The following INHBB variants were observed in gnomAD, a reference collection of about 807,000 sequenced individuals.
The protein encoded by INHBB is inhibin beta B chain.
INHBB carries 8 observed loss-of-function variants against 28.9 expected under a neutral mutation model. The ratio of observed to expected loss-of-function variants is 0.28; its 90% confidence interval spans 0.16 to 0.50. INHBB has a LOEUF of 0.50. INHBB is among the 20% of genes least tolerant of loss of function. The probability of loss-of-function intolerance (pLI) is 0.98; values close to 1 mark genes in which losing one functional copy is unlikely to be tolerated. For missense variants in INHBB, 499 were observed against 597.8 expected (o/e 0.83, Z 1.72); for synonymous variants, 293 against 262.7 (o/e 1.12, Z -1.12).
Position 120,349,538 on chromosome 2 carries a change from C to G in INHBB, c.888C>G (p.Cys296Trp). 6.2e-7 allele frequency: 1 copy of G among 1,613,966 alleles called. No individual in the cohort carries two copies. Among genetic ancestry groups the G allele is most frequent in the Non-Finnish European group, 8.5e-7 (1 of 1,180,036 alleles). ...GCATTCGCAAGCGAGGCCTGGAGTG[C>G]GATGGCCGGACCAACCTCTGTTGCA... ...RHRIRKRGLECDGRTNLCCRQ... is the reference protein window; with the variant it reads ...RHRIRKRGLEWDGRTNLCCRQ... The change falls in exon 2 of 2, where the codon TGC becomes TGG. Residue 296 changes from cysteine to tryptophan, a missense_variant. Physicochemically the swap from Cys to Trp is radical, Grantham distance 215. This residue lies in a region of INHBB where 114 missense variants were observed against 182.6 expected (regional missense o/e 0.62). Coordinates refer to ENST00000295228, the MANE Select transcript of INHBB (RefSeq NM_002193.4). The surrounding 1 kb of genome is among the most constrained non-coding windows in gnomAD (Gnocchi z 5.6).
rs770683310 is a variant in INHBB, at chr2:120,349,345, C to T, written c.695C>T (p.Thr232Met). ...AGCGGCTGGCATACCTTCCCACTCA[C>T]GGAGGCCATCCAGGCCTTGTTTGAG... is the stretch of plus-strand genomic sequence containing the variant. ...KRSGWHTFPL[T>M]EAIQALFERG... The change falls in exon 2 of 2, where the codon ACG becomes ATG. Residue 232 changes from threonine to methionine, a missense_variant. Transcript: ENST00000295228. The surrounding 1 kb of genome is among the most constrained non-coding windows in gnomAD (Gnocchi z 5.6). The T allele has an allele frequency of 1.6e-5, 26 of 1,614,096 alleles. No homozygotes were observed. Among genetic ancestry groups the T allele is most frequent in the South Asian group, 3.3e-5 (3 of 91,082 alleles).
At chr2:120,348,870 G>C (rs887091354) in intron 1 of INHBB, among the ~76,000 whole-genome samples, 2 of 152,042 alleles carry the variant, frequency 1.3e-5, no homozygotes, top group African/African-American at 4.8e-5. Flanking sequence ...TTATAGGCGC[G>C]GACCCTCCAG....
At chr2:120,347,446 A>G (rs569292083) in intron 1 of INHBB, among the ~76,000 whole-genome samples, 4 of 151,638 alleles carry the variant, frequency 2.6e-5, no homozygotes, top group African/African-American at 9.7e-5. Flanking sequence ...CTAAATATAA[A>G]AATCAGGGAG....
intron 1 of INHBB, among the ~76,000 whole-genome samples, chr2:120,348,644 C>T (rs1377039472): frequency 1.6e-5 from 2 of 124,348 alleles, no homozygotes; most frequent in Non-Finnish European, 3.3e-5. Flanking sequence ...TTTTGCAATG[C>T]GCTAAGTTAA....
In INHBB at chr2:120,346,745, G is replaced by T. The variant is rs1267649232; in HGVS notation, c.448+109G>T. ...GCCACCGCAGCCCGCGCGCCCTGGG[G>T]CAGCCTGGACTCCCGGCAGAGCTCC... is the stretch of plus-strand genomic sequence containing the variant. On this transcript the variant is annotated intron_variant, in intron 1 of 1. Transcript: ENST00000295228. The T allele has an allele frequency of 2.0e-5, 24 of 1,174,088 alleles. No homozygotes were observed. The South Asian group carries it at 4.7e-4, about 23-fold the overall frequency. 72.7% of individuals were successfully genotyped at this position (1,174,088 alleles called of 1,614,324 possible).
In INHBB at chr2:120,346,263, G is replaced by T; in HGVS notation, c.75G>T (p.Glu25Asp). 7.5e-7 allele frequency: 1 copy of T among 1,338,682 alleles called. No homozygotes were observed. The highest frequency in any genetic ancestry group is 9.5e-7 in the Non-Finnish European group (1 of 1,051,522). 82.9% of individuals were successfully genotyped at this position (1,338,682 alleles called of 1,614,324 possible). A position where few individuals can be genotyped will look rare whatever the true frequency, so the allele number is the denominator to read the frequency against. Residue 25 changes from glutamate (E) to aspartate (D), a missense_variant, in exon 1 of 2, where the codon GAG becomes GAT. By Grantham distance (45) the Glu-to-Asp change is conservative (BLOSUM62 2). This residue lies in a region of INHBB where 385 missense variants were observed against 415.2 expected (regional missense o/e 0.93). Transcript: ENST00000295228. Reference sequence around the variant, plus strand: ...TGGCGGCCGGCTGGCTGGGGCCTGAGGCCTGGGGCTCACCCACGCCCCCGC... The same window carrying T: ...TGGCGGCCGGCTGGCTGGGGCCTGATGCCTGGGGCTCACCCACGCCCCCGC... ...LLLAAGWLGP[E>D]AWGSPTPPPT...
rs1691227301 is a variant in INHBB, at chr2:120,349,720, A to G, written c.1070A>G (p.Gln357Arg). The stretch of plus-strand genomic sequence containing the variant: ...TCCTTCCACACGGCTGTGGTGAACC[A>G]GTACCGCATGCGGGGTCTGAACCCC... The part of the protein sequence containing the change: ...ASSFHTAVVN[Q>R]YRMRGLNPGT... Residue 357 changes from glutamine (Q) to arginine (R), a missense_variant, in exon 2 of 2, where the codon CAG becomes CGG. By Grantham distance (43) the Gln-to-Arg change is conservative (BLOSUM62 1). Coordinates refer to ENST00000295228, the MANE Select transcript of INHBB (RefSeq NM_002193.4). The surrounding 1 kb of genome is among the most constrained non-coding windows in gnomAD (Gnocchi z 5.6). The G allele has an allele frequency of 6.2e-7, 1 of 1,613,680 alleles. No individual in the cohort carries two copies. Among genetic ancestry groups the G allele is most frequent in the Admixed American group, 1.7e-5 (1 of 60,010 alleles).
rs917721462 is a variant in INHBB at position 120,350,063 on chromosome 2, C to G, written c.*189C>G. On this transcript the variant is annotated 3_prime_UTR_variant, in exon 2 of 2. Transcript: ENST00000295228. ...ATAGAGCAACCAGTCAAAACCAGAG[C>G]GAGAACCCTCAACTGACATGAAATA... 3.3e-6 allele frequency: 2 copies of G among 605,724 alleles called. No homozygotes were observed. Among genetic ancestry groups the G allele is most frequent in the Non-Finnish European group, 5.7e-6 (2 of 350,276 alleles). The allele number at this position is 605,724 out of a possible 1,614,324, so 37.5% of individuals were successfully genotyped here.
In INHBB at chr2:120,349,020, C is replaced by T; in HGVS notation, c.449-79C>T. 1 of 1,482,424 alleles carries T rather than the reference C, an allele frequency of 6.7e-7. No homozygotes were observed. The highest frequency in any genetic ancestry group is 1.4e-5 in the African/African-American group (1 of 71,380). 91.8% of individuals were successfully genotyped at this position (1,482,424 alleles called of 1,614,324 possible). On this transcript the variant is annotated intron_variant, in intron 1 of 1. Coordinates refer to ENST00000295228, the MANE Select transcript of INHBB (RefSeq NM_002193.4). The surrounding 1 kb of genome is among the most constrained non-coding windows in gnomAD (Gnocchi z 5.6). The stretch of plus-strand genomic sequence containing the variant: ...GTGTGGCGAGTTGCATTCCAGCATC[C>T]TGCAGCAGAGAGTGTGTTTCCCCCA...
Position 120,349,545 on chromosome 2 carries a change from C to T in INHBB, c.895C>T (p.Arg299Trp), listed in dbSNP as rs867635709. ...IRKRGLECDG[R>W]TNLCCRQQFF... ...CAAGCGAGGCCTGGAGTGCGATGGC[C>T]GGACCAACCTCTGTTGCAGGCAACA... The change falls in exon 2 of 2, where the codon CGG becomes TGG. Residue 299 changes from arginine to tryptophan, a missense_variant. Arg to Trp is a moderately radical substitution (Grantham distance 101). This residue lies in a region of INHBB where 114 missense variants were observed against 182.6 expected (regional missense o/e 0.62). Coordinates refer to ENST00000295228, the MANE Select transcript of INHBB (RefSeq NM_002193.4). The surrounding 1 kb of genome is among the most constrained non-coding windows in gnomAD (Gnocchi z 5.6). The T allele has an allele frequency of 1.1e-5, 17 of 1,613,884 alleles. No individual in the cohort carries two copies. The highest frequency in any genetic ancestry group is 4.0e-5 in the African/African-American group (3 of 74,928).
In INHBB at chr2:120,349,129, A is replaced by G. The variant is rs1691212705; in HGVS notation, c.479A>G (p.Tyr160Cys). ...CTCGCCTCCTCCCGGGTCCGCCTAT[A>G]CTTCTTCATCTCCAACGAAGGCAAC... ...DGLASSRVRLYFFISNEGNQN... is the reference protein window; with the variant it reads ...DGLASSRVRLCFFISNEGNQN... The change falls in exon 2 of 2, where the codon TAC becomes TGC. Residue 160 changes from tyrosine to cysteine, a missense_variant. Physicochemically the swap from Tyr to Cys is radical, Grantham distance 194. Transcript: ENST00000295228. The surrounding 1 kb of genome is among the most constrained non-coding windows in gnomAD (Gnocchi z 5.6). 1 of 1,611,740 alleles carries G rather than the reference A, an allele frequency of 6.2e-7. No homozygotes were observed. Among genetic ancestry groups the G allele is most frequent in the South Asian group, 1.1e-5 (1 of 90,942 alleles).
chr2:120,350,056 A>C lies in INHBB; in HGVS notation c.*182A>C. 1.6e-6 allele frequency: 1 copy of C among 624,716 alleles called. No individual in the cohort carries two copies. The highest frequency in any genetic ancestry group is 2.7e-6 in the Non-Finnish European group (1 of 365,388). 38.7% of individuals were successfully genotyped at this position (624,716 alleles called of 1,614,324 possible). ...CAGCTTCATAGAGCAACCAGTCAAA[A>C]CCAGAGCGAGAACCCTCAACTGACA... On this transcript the variant is annotated 3_prime_UTR_variant, in exon 2 of 2. Coordinates refer to ENST00000295228, the MANE Select transcript of INHBB (RefSeq NM_002193.4).
chr2:120,346,416 G>C lies in INHBB; in HGVS notation c.228G>C (p.Glu76Asp). Reference protein sequence around the residue: ...ELGRVDGDFLEAVKRHILSRL... With the variant: ...ELGRVDGDFLDAVKRHILSRL... Reference sequence around the variant, plus strand: ...GCCGAGTGGACGGCGACTTCCTGGAGGCGGTGAAGCGGCACATCTTGAGCC... The same window carrying C: ...GCCGAGTGGACGGCGACTTCCTGGACGCGGTGAAGCGGCACATCTTGAGCC... Residue 76 changes from glutamate to aspartate, a missense_variant, in exon 1 of 2, where the codon GAG becomes GAC. By Grantham distance (45) the Glu-to-Asp change is conservative. Transcript: ENST00000295228. The C allele has an allele frequency of 1.9e-6, 3 of 1,548,466 alleles. No homozygotes were observed. Among genetic ancestry groups the C allele is most frequent in the Non-Finnish European group, 2.6e-6 (3 of 1,154,804 alleles).
At chr2:120,348,953 G>T (rs1260076897) in intron 1 of INHBB, 146 bp from the exon 2 acceptor site, 2 of 932,316 alleles carry the variant, frequency 2.1e-6, no homozygotes, top group Admixed American at 5.9e-5. Context: ...CAGAGGCCCT[G>T]GCCCCAAGAA....
chr2:120,348,950 C>G (rs1316098549), intron 1 of INHBB, 149 bp from the exon 2 acceptor site: 1 of 914,802 alleles, frequency 1.1e-6, no homozygotes, highest in Admixed American at 3.0e-5. Context: ...AGTCAGAGGC[C>G]CTGGCCCCAA....
In INHBB at chr2:120,346,393, C is replaced by A; in HGVS notation, c.205C>A (p.Arg69=). The A allele has an allele frequency of 7.2e-6, 11 of 1,534,576 alleles. No homozygotes were observed. Among genetic ancestry groups the A allele is most frequent in the Non-Finnish European group, 9.6e-6 (11 of 1,147,408 alleles). Residue 69 remains arginine (R), a synonymous_variant, in exon 1 of 2, where the codon CGA becomes AGA. Transcript: ENST00000295228. ...GGFRRPEELG[R]VDGDFLEAVK... is the part of the protein sequence containing the mutation. ...CTTCCGGCGGCCAGAGGAGCTCGGC[C>A]GAGTGGACGGCGACTTCCTGGAGGC...
rs1691151286 is a variant in INHBB, at chr2:120,346,325, G to C, written c.137G>C (p.Gly46Ala). 1.4e-6 allele frequency: 2 copies of C among 1,388,030 alleles called. No homozygotes were observed. The highest frequency in any genetic ancestry group is 1.9e-6 in the Non-Finnish European group (2 of 1,077,574). 86.0% of individuals were successfully genotyped at this position (1,388,030 alleles called of 1,614,324 possible). A position where few individuals can be genotyped will look rare whatever the true frequency, so the allele number is the denominator to read the frequency against. The change falls in exon 1 of 2, where the codon GGA becomes GCA. Residue 46 changes from glycine to alanine, a missense_variant. By Grantham distance (60) the Gly-to-Ala change is moderately conservative. This residue lies in a region of INHBB where 385 missense variants were observed against 415.2 expected (regional missense o/e 0.93). Transcript: ENST00000295228. ...GCGCCGCCGCCACCCCCGCCACCCG[G>C]ATCCCCGGGTGGCTCGCAGGACACC... ...PAAPPPPPPP[G>A]SPGGSQDTCT... is the part of the protein sequence containing the mutation.
intron 1 of INHBB, among the ~76,000 whole-genome samples, chr2:120,347,686 T>C (rs2104573735): frequency 6.6e-6 from 1 of 151,898 alleles, no homozygotes; most frequent in African/African-American, 2.4e-5. Flanking sequence ...GGGGGAGCGG[T>C]TGTGCCCCTG....
chr2:120,350,212 G>A lies in INHBB; in HGVS notation c.*338G>A, dbSNP rs543614957. The A allele has an allele frequency of 4.4e-4, 133 of 304,964 alleles. 2 individuals are homozygous for A. In the South Asian group the frequency reaches 5.1e-3, roughly 12 times the overall value. 18.9% of individuals were successfully genotyped at this position (304,964 alleles called of 1,614,324 possible). ...GCTTAGCTACAAATGCCTGTCAGTC[G>A]GAGAGAATGGGGTGAGCAGCCACCA... On this transcript the variant is annotated 3_prime_UTR_variant, in exon 2 of 2. Coordinates refer to ENST00000295228, the MANE Select transcript of INHBB (RefSeq NM_002193.4).
Sources: allele counts gnomAD v4.1 joint callset (sites outside exome capture counted in the v4.1 genomes callset), GRCh38; gene constraint gnomAD v4.1.1; regional missense constraint gnomAD v4.1.1; non-coding constraint Gnocchi (gnomAD v3.1); transcripts MANE v1.5; gene names NCBI Gene and HGNC (gene_info 2026-07-23, HGNC 2026-07-21).